The following GRID2 variants were observed in gnomAD, a reference collection of about 807,000 sequenced individuals.
GRID2 encodes glutamate receptor ionotropic, delta-2.
GRID2 carries 33 observed loss-of-function variants against 114.8 expected under a neutral mutation model. The observed-to-expected ratio is 0.29, with a 90% confidence interval of 0.22 to 0.38. GRID2 has a LOEUF of 0.38. Among genes scored for constraint, GRID2 ranks in the 10% least tolerant of loss-of-function variants. GRID2 has a pLI of 1.00. For missense variants in GRID2, 1,184 were observed against 1,257.7 expected, an observed-to-expected ratio of 0.94 and a Z score of 0.89; for synonymous variants, 505 against 449.9, an observed-to-expected ratio of 1.12 and a Z score of -1.55.
At chr4:92,493,352 C>A (rs10024635) in intron 1 of GRID2, among the ~76,000 whole-genome samples, 19,888 of 152,116 alleles carry the variant, frequency 0.13, 2,693 homozygotes, top group African/African-American at 0.35. Context: ...CCACCTGATA[C>A]CTATGCTGGG....
intron 13 of GRID2, among the ~76,000 whole-genome samples, chr4:93,528,632 A>T (rs1442558334): frequency 6.6e-6 from 1 of 152,142 alleles, no homozygotes; most frequent in Admixed American, 6.6e-5. Flanking sequence ...AAAGCTCAGC[A>T]TTCCTGAGAG....
At chr4:93,001,402 G>A (rs1405577877) in intron 2 of GRID2, among the ~76,000 whole-genome samples, 3 of 151,494 alleles carry the variant, frequency 2.0e-5, no homozygotes, top group East Asian at 1.9e-4. Context: ...GTTAGGCTAC[G>A]GAATTTTGGT....
chr4:93,428,275 T>C (rs902275603), intron 10 of GRID2, among the ~76,000 whole-genome samples: 3 of 152,110 alleles, frequency 2.0e-5, no homozygotes, highest in African/African-American at 7.2e-5. Flanking sequence ...TGGAAAAGAT[T>C]TCTATAAAGT....
intron 2 of GRID2, among the ~76,000 whole-genome samples, chr4:92,692,854 C>T (rs1033544594): frequency 6.6e-6 from 1 of 151,874 alleles, no homozygotes; most frequent in African/African-American, 2.4e-5. Context: ...GAAACCCCAT[C>T]TCTACTAAAA....
At chr4:92,358,547 T>C (rs745825811) in intron 1 of GRID2, among the ~76,000 whole-genome samples, 42 of 151,878 alleles carry the variant, frequency 2.8e-4, no homozygotes, top group Non-Finnish European at 5.6e-4. Context: ...AGAGATAACA[T>C]TGGGAACTTA....
At chr4:92,661,051 C>G (rs1039383805) in intron 2 of GRID2, among the ~76,000 whole-genome samples, 1 of 150,696 alleles carries the variant, frequency 6.6e-6, no homozygotes, top group Admixed American at 6.6e-5. Context: ...GTGGATAAAT[C>G]TTTAAAATAA....
chr4:92,932,816 T>C (rs980156612), intron 2 of GRID2, among the ~76,000 whole-genome samples: 3 of 151,360 alleles, frequency 2.0e-5, no homozygotes. Context: ...ATAAAAAGTA[T>C]ATATCATATA....
At chr4:93,574,143 C>T (rs1297082537) in intron 13 of GRID2, among the ~76,000 whole-genome samples, 1 of 152,156 alleles carries the variant, frequency 6.6e-6, no homozygotes, top group African/African-American at 2.4e-5. Context: ...AGTCCCTATT[C>T]AATGCCCATC....
At chr4:93,202,221 T>C (rs1742184379) in intron 4 of GRID2, among the ~76,000 whole-genome samples, 3 of 152,106 alleles carry the variant, frequency 2.0e-5, no homozygotes, top group Admixed American at 2.0e-4. Flanking sequence ...TTTTTTAAAA[T>C]CAATATTATT....
intron 8 of GRID2, among the ~76,000 whole-genome samples, chr4:93,332,295 T>TGAGAGAGAGAGAGAGAGA (rs1353456848): frequency 1.5e-4 from 19 of 128,966 alleles, no homozygotes; most frequent in African/African-American, 5.8e-4. Context: ...TGTGTGTGTG[T>TGAGAGAGAGAGAGAGAGA]GTGTGAGAGA....
At chr4:93,405,204 A>T (rs1369951472) in intron 9 of GRID2, among the ~76,000 whole-genome samples, 1 of 152,098 alleles carries the variant, frequency 6.6e-6, no homozygotes, top group Non-Finnish European at 1.5e-5. Flanking sequence ...GAATGGGGAA[A>T]ATATGATTTT....
chr4:92,641,631 T>C (rs573219705), intron 2 of GRID2, among the ~76,000 whole-genome samples: 2 of 151,956 alleles, frequency 1.3e-5, no homozygotes, highest in South Asian at 2.1e-4. Context: ...ACATAGTTAA[T>C]AATCATATAT....
intron 1 of GRID2, among the ~76,000 whole-genome samples, chr4:92,406,795 C>T (rs1731047163): frequency 6.6e-6 from 1 of 151,586 alleles, no homozygotes. Flanking sequence ...TAAGTAAGAA[C>T]ATGTGGTATT....
intron 10 of GRID2, among the ~76,000 whole-genome samples, chr4:93,446,162 C>A (rs1449742798): frequency 6.6e-6 from 1 of 152,020 alleles, no homozygotes; most frequent in African/African-American, 2.4e-5. Context: ...CTTCTGTTAT[C>A]TTCTGCATGG....
intron 4 of GRID2, among the ~76,000 whole-genome samples, chr4:93,171,098 C>G (rs1031608289): frequency 6.6e-6 from 1 of 152,142 alleles, no homozygotes; most frequent in African/African-American, 2.4e-5. Flanking sequence ...GTCAGGTTTC[C>G]TATCTCACTT....
intron 2 of GRID2, among the ~76,000 whole-genome samples, chr4:92,597,316 C>G (rs911547857): frequency 1.3e-5 from 2 of 151,968 alleles, no homozygotes; most frequent in African/African-American, 4.8e-5. Flanking sequence ...TGTTGTTTTA[C>G]TGCTGTATTT....
intron 2 of GRID2, among the ~76,000 whole-genome samples, chr4:93,047,883 C>CAA (rs202164662): frequency 8.1e-5 from 12 of 147,684 alleles, no homozygotes; most frequent in South Asian, 2.1e-4. Flanking sequence ...AACAAACAAA[C>CAA]AAAAAAAACA....
chr4:93,146,790 T>G (rs1162947326), intron 4 of GRID2, among the ~76,000 whole-genome samples: 1 of 152,190 alleles, frequency 6.6e-6, no homozygotes, highest in Non-Finnish European at 1.5e-5. Flanking sequence ...TACTATGCTT[T>G]TCATTGGGAT....
chr4:92,557,482 AAC>A (rs1053188974), intron 1 of GRID2, among the ~76,000 whole-genome samples: 8 of 151,456 alleles, frequency 5.3e-5, no homozygotes, highest in Middle Eastern at 3.5e-3. Flanking sequence ...AGTATATCCT[AAC>A]ACATATATTT....
Sources: gnomAD v4.1 joint callset for allele counts (sites outside exome capture counted in the v4.1 genomes callset) on GRCh38, gnomAD v4.1.1 for gene constraint, MANE v1.5 for transcripts, NCBI Gene and HGNC (gene_info 2026-07-23, HGNC 2026-07-21) for gene names.